Variants in CHRM3 observed in about 807,000 individuals in gnomAD.
CHRM3 encodes muscarinic acetylcholine receptor M3.
CHRM3 carries 11 observed loss-of-function variants against 41.8 expected under a neutral mutation model. The observed-to-expected ratio is 0.26, with a 90% CI of 0.17 to 0.44. The LOEUF (loss-of-function observed/expected upper bound fraction) is 0.44. Ranked by LOEUF, CHRM3 falls within the 20% of genes least tolerant of loss-of-function variation. CHRM3 has a pLI of 1.00. For synonymous variants in CHRM3, 297 were observed against 301.4 expected, an observed-to-expected ratio of 0.99 and a Z score of 0.15; for missense variants, 571 against 745.4, an observed-to-expected ratio of 0.77 and a Z score of 2.72.
chr1:239,627,922 G>A (rs1669193011), intron 3 of CHRM3, among the ~76,000 whole-genome samples: 1 of 148,826 alleles, frequency 6.7e-6, no homozygotes. Flanking sequence ...CATTCTCTCT[G>A]GCTGCCCTTA....
intron 3 of CHRM3, among the ~76,000 whole-genome samples, chr1:239,594,349 A>C (rs1664545040): frequency 6.6e-6 from 1 of 152,238 alleles, no homozygotes; most frequent in South Asian, 2.1e-4. Context: ...TGTGTATCAC[A>C]AGATGCACTG....
chr1:239,866,410 A>C (rs998425150), intron 6 of CHRM3, among the ~76,000 whole-genome samples: 8 of 151,986 alleles, frequency 5.3e-5, no homozygotes, highest in East Asian at 3.9e-4. Flanking sequence ...AAAAACAAAA[A>C]AAAAAAAGCT....
chr1:239,774,989 T>C (rs1167250222), intron 5 of CHRM3, among the ~76,000 whole-genome samples: 1 of 152,072 alleles, frequency 6.6e-6, no homozygotes, highest in East Asian at 1.9e-4. Context: ...AGAAAAAGGA[T>C]GTGAAAAAAA....
At chr1:239,499,823 C>G (rs1668109115) in intron 2 of CHRM3, among the ~76,000 whole-genome samples, 1 of 152,132 alleles carries the variant, frequency 6.6e-6, no homozygotes. Flanking sequence ...GATTGGGGCC[C>G]TATCTTCAGC....
intron 2 of CHRM3, among the ~76,000 whole-genome samples, chr1:239,539,203 C>T (rs1658496085): frequency 6.6e-6 from 1 of 152,112 alleles, no homozygotes; most frequent in Non-Finnish European, 1.5e-5. Context: ...TTTTTCTGTA[C>T]CTTCTTTGTT....
chr1:239,548,439 T>C (rs1301863207), intron 3 of CHRM3, among the ~76,000 whole-genome samples: 2 of 152,264 alleles, frequency 1.3e-5, no homozygotes, highest in Non-Finnish European at 2.9e-5. Context: ...GTCTTTCACA[T>C]ATAAATTTAA....
chr1:239,674,484 G>T (rs6688218), intron 4 of CHRM3, among the ~76,000 whole-genome samples: 75,092 of 151,532 alleles, frequency 0.5, 19,468 homozygotes, highest in Middle Eastern at 0.63. Context: ...CCCAGGCGGG[G>T]GGATCACGAG....
intron 2 of CHRM3, among the ~76,000 whole-genome samples, chr1:239,529,620 A>C (rs1474552669): frequency 8.9e-6 from 1 of 112,064 alleles, no homozygotes; most frequent in Non-Finnish European, 2.2e-5. Context: ...AAAAAAAAAA[A>C]AAAAAAAAAA....
At chr1:239,435,666 G>T (rs538429539) in intron 1 of CHRM3, among the ~76,000 whole-genome samples, 1 of 152,054 alleles carries the variant, frequency 6.6e-6, no homozygotes, top group East Asian at 1.9e-4. Context: ...AAAAGTGTGC[G>T]CAGTGTTTTC....
At chr1:239,625,085 T>C (rs1668888706) in intron 3 of CHRM3, among the ~76,000 whole-genome samples, 2 of 57,832 alleles carry the variant, frequency 3.5e-5, no homozygotes, top group Admixed American at 1.8e-4. Flanking sequence ...GTAAATTACC[T>C]TGGGCAGTAT....
intron 6 of CHRM3, among the ~76,000 whole-genome samples, chr1:239,845,043 TG>T (rs1254304986): frequency 6.6e-6 from 1 of 152,190 alleles, no homozygotes; most frequent in Non-Finnish European, 1.5e-5. Context: ...ATTTTCAAGA[TG>T]GCAGAGGTCA....
At chr1:239,439,422 C>A (rs946899199) in intron 1 of CHRM3, among the ~76,000 whole-genome samples, 2 of 151,900 alleles carry the variant, frequency 1.3e-5, no homozygotes, top group Non-Finnish European at 2.9e-5. Flanking sequence ...ATATTTCCTG[C>A]GGACAGTAAC....
At chr1:239,499,939 G>A (rs1028505535) in intron 2 of CHRM3, among the ~76,000 whole-genome samples, 5 of 152,156 alleles carry the variant, frequency 3.3e-5, no homozygotes, top group Non-Finnish European at 5.9e-5. Flanking sequence ...AGTGCTGAGA[G>A]AATTTGTGAC....
At position 239,897,262 on chromosome 1, in the gene CHRM3, G is replaced by A. The variant is rs80005599; in HGVS notation, c.-19-10171G>A. Among the ~76,000 whole-genome samples, 732 of 152,276 alleles carry A rather than the reference G, an allele frequency of 4.8e-3. 3 individuals carry two copies. The highest frequency in any genetic ancestry group is 8.2e-3 in the Admixed American group (125 of 15,288). ...TGAAGTCTGAAGGGAAATCAGATGTGTGGAACATGTCCAGATATAAAAATA... is the reference window on the plus strand; with the variant it reads ...TGAAGTCTGAAGGGAAATCAGATGTATGGAACATGTCCAGATATAAAAATA... On this transcript the variant is annotated intron_variant, in intron 6 of 6. Coordinates refer to ENST00000676153, the MANE Select transcript of CHRM3 (RefSeq NM_001375978.1).
intron 1 of CHRM3, among the ~76,000 whole-genome samples, chr1:239,419,660 C>T (rs1047007977): frequency 6.6e-6 from 1 of 152,166 alleles, no homozygotes; most frequent in Admixed American, 6.5e-5. Flanking sequence ...GTCCATTTGT[C>T]TATATATTCC....
At chr1:239,865,545 C>T (rs1010526299) in intron 6 of CHRM3, among the ~76,000 whole-genome samples, 7 of 152,068 alleles carry the variant, frequency 4.6e-5, no homozygotes, top group Non-Finnish European at 5.9e-5. Context: ...GGGGCCCTGT[C>T]AGAAGCAGAG....
At chr1:239,874,257 G>T in intron 6 of CHRM3, among the ~76,000 whole-genome samples, 1 of 35,026 alleles carries the variant, frequency 2.9e-5, no homozygotes, top group African/African-American at 5.8e-5. Context: ...TATATATATA[G>T]CAAGACCTAT....
In CHRM3 at chr1:239,908,770, C is replaced by T. The variant is rs1558233542; in HGVS notation, c.1319C>T (p.Thr440Ile). ...GAGTCAGCCGTGGACACAGCTAAGA[C>T]TTCTGACGTCAACTCCTCAGTGGGT... ...QLESAVDTAK[T>I]SDVNSSVGKS... Residue 440 changes from threonine to isoleucine, a missense_variant, in exon 7 of 7, where the codon ACT (threonine) becomes ATT (isoleucine). By Grantham distance (89) the Thr-to-Ile change is moderately conservative. Around this residue, in one of 5 missense-constraint regions of CHRM3, gnomAD observed 239 missense variants for 239.6 expected, o/e 1.00. Transcript: ENST00000676153. The surrounding 1 kb of genome is among the most constrained non-coding windows in gnomAD (Gnocchi z 7.2). 1.2e-6 allele frequency: 2 copies of T among 1,614,124 alleles called. No individual in the cohort carries two copies. The highest frequency in any genetic ancestry group is 1.7e-5 in the Admixed American group (1 of 60,020).
At chr1:239,896,997 C>T (rs938039256) in intron 6 of CHRM3, among the ~76,000 whole-genome samples, 5 of 152,156 alleles carry the variant, frequency 3.3e-5, no homozygotes, top group African/African-American at 1.2e-4. Flanking sequence ...TCAGGCTATA[C>T]TGGGTGCTTT....
Sources: allele counts gnomAD v4.1 joint callset (sites outside exome capture counted in the v4.1 genomes callset), GRCh38; gene constraint gnomAD v4.1.1; regional missense constraint gnomAD v4.1.1; non-coding constraint Gnocchi (gnomAD v3.1); transcripts MANE v1.5; gene names NCBI Gene and HGNC (gene_info 2026-07-23, HGNC 2026-07-21).